WAPL: variants seen among roughly 807,000 people sequenced by gnomAD.
WAPL encodes the protein wings apart-like protein homolog.
WAPL carries 5 observed loss-of-function variants against 121.0 expected under a neutral mutation model. That is an observed-to-expected ratio of 0.04 (90% confidence interval 0.02 to 0.09). The LOEUF (loss-of-function observed/expected upper bound fraction) is 0.09, where lower values mean the gene tolerates loss of function less well. Among genes scored for constraint, WAPL ranks in the 10% least tolerant of loss-of-function variants. The pLI, the probability that WAPL is intolerant of heterozygous loss-of-function variation, is 1.00. For missense variants in WAPL, 999 were observed against 1,410.8 expected (o/e 0.71, Z 4.68); for synonymous variants, 480 against 481.5 (o/e 1.00, Z 0.04).
intron 14 of WAPL, 94 bp downstream of exon 14, chr10:86,453,126 T>C (rs1841038701): frequency 3.7e-6 from 3 of 803,888 alleles, no homozygotes; most frequent in Admixed American, 2.6e-5. Flanking sequence ...CCACAATATA[T>C]TAAAGGGTTG....
rs1349045834 is a variant in WAPL at position 86,477,787 on chromosome 10, A to G, written c.1645-3814T>C. ...TTGCACTCCAGCCTGGGCAACAGAA[A>G]AGCAGATACAGGCCGGGTGCAGTGG... On this transcript the variant is annotated intron_variant, in intron 4 of 18. Transcript: ENST00000298767. 4.6e-5 allele frequency among the ~76,000 whole-genome samples: 7 copies of G among 151,012 alleles called. No individual in the cohort carries two copies. In the South Asian group the frequency reaches 1.3e-3, roughly 27 times the overall value.
Position 86,521,353 on chromosome 10 carries a change from C to T in WAPL, c.-23+12G>A, listed in dbSNP as rs1842672592. On this transcript the variant is annotated intron_variant, in intron 1 of 18. Transcript: ENST00000298767. ...CCTCCCGGCCTAGGCGGCCGCCCGA[C>T]ACCTCACTTACCCTCGGAGCCTGGC... 4 of 273,012 alleles carry T rather than the reference C, an allele frequency of 1.5e-5. No individual in the cohort carries two copies. The highest frequency in any genetic ancestry group is 1.2e-4 in the South Asian group (4 of 33,376). The allele number at this position is 273,012 out of a possible 1,614,324, so 16.9% of individuals were successfully genotyped here.
At chr10:86,476,042 A>G (rs1841643920) in intron 4 of WAPL, among the ~76,000 whole-genome samples, 1 of 152,230 alleles carries the variant, frequency 6.6e-6, no homozygotes, top group African/African-American at 2.4e-5. Flanking sequence ...TAAAGAAATT[A>G]AAGAAGCAAA....
At chr10:86,507,782 T>C (rs560440585) in intron 2 of WAPL, among the ~76,000 whole-genome samples, 3 of 152,098 alleles carry the variant, frequency 2.0e-5, no homozygotes, top group South Asian at 4.1e-4. Flanking sequence ...ACTCCCATTC[T>C]TCATTTTTAT....
intron 4 of WAPL, among the ~76,000 whole-genome samples, chr10:86,494,158 A>T (rs1356769935): frequency 1.3e-5 from 2 of 152,214 alleles, no homozygotes; most frequent in African/African-American, 4.8e-5. Context: ...CAAAAAGTAA[A>T]ATGCCAGTTT....
At chr10:86,497,105 C>T (rs1842164191) in intron 4 of WAPL, 96 bp downstream of exon 4, 23 of 1,002,508 alleles carry the variant, frequency 2.3e-5, no homozygotes, top group Admixed American at 2.1e-4. Flanking sequence ...AAGACAGTTG[C>T]TATGATGTTT....
At chr10:86,446,548 A>C in intron 15 of WAPL, 99 bp from the exon 16 acceptor site, 2 of 1,255,958 alleles carry the variant, frequency 1.6e-6, no homozygotes, top group Non-Finnish European at 2.2e-6. Context: ...TCTATCACTA[A>C]CTCTAAGATG....
At chr10:86,494,620 T>G (rs1012905668) in intron 4 of WAPL, among the ~76,000 whole-genome samples, 1 of 152,234 alleles carries the variant, frequency 6.6e-6, no homozygotes, top group Non-Finnish European at 1.5e-5. Flanking sequence ...TTTTCGATAC[T>G]GTATAATGAA....
intron 17 of WAPL, among the ~76,000 whole-genome samples, chr10:86,441,159 T>C (rs1237578918): frequency 6.6e-6 from 1 of 152,204 alleles, no homozygotes; most frequent in Non-Finnish European, 1.5e-5. Flanking sequence ...TTTCAAAATC[T>C]GGCTTTACAA....
At chr10:86,438,461 C>A (rs1258008479) in intron 17 of WAPL, among the ~76,000 whole-genome samples, 1 of 152,156 alleles carries the variant, frequency 6.6e-6, no homozygotes, top group Non-Finnish European at 1.5e-5. Context: ...ATCATGTTGG[C>A]CAGGCTGGTC....
chr10:86,510,614 C>T (rs1392133632), intron 2 of WAPL, among the ~76,000 whole-genome samples: 1 of 151,966 alleles, frequency 6.6e-6, no homozygotes, highest in Non-Finnish European at 1.5e-5. Context: ...ATATACAAAC[C>T]TTGAGAATAA....
chr10:86,486,285 C>T (rs7900701), intron 4 of WAPL, among the ~76,000 whole-genome samples: 146,502 of 152,338 alleles, frequency 0.96, 70,589 homozygotes, highest in East Asian at 1. Context: ...TAAAGGAAGA[C>T]ACTGTGTGGA....
chr10:86,457,672 T>C (rs1473829647), intron 12 of WAPL, among the ~76,000 whole-genome samples: 1 of 151,430 alleles, frequency 6.6e-6, no homozygotes, highest in East Asian at 1.9e-4. Flanking sequence ...AAATAAAATA[T>C]ACAAATGCAA....
intron 12 of WAPL, among the ~76,000 whole-genome samples, chr10:86,455,185 T>G (rs1298675979): frequency 1.3e-5 from 2 of 151,954 alleles, no homozygotes; most frequent in Non-Finnish European, 2.9e-5. Flanking sequence ...GTCTGGGAGG[T>G]GTACCCAACA....
At chr10:86,442,959 C>T (rs192127333) in intron 17 of WAPL, among the ~76,000 whole-genome samples, 44 of 145,380 alleles carry the variant, frequency 3.0e-4, no homozygotes, top group Middle Eastern at 3.7e-3. Flanking sequence ...AGGAGAATGG[C>T]GGGAACCAGG....
intron 17 of WAPL, 52 bp from the exon 18 acceptor site, chr10:86,438,067 G>T: frequency 7.4e-7 from 1 of 1,351,712 alleles, no homozygotes; most frequent in South Asian, 1.2e-5. Flanking sequence ...ACATGAGATT[G>T]CACCTCGTAC....
chr10:86,491,286 C>T (rs1842042212), intron 4 of WAPL, among the ~76,000 whole-genome samples: 1 of 151,144 alleles, frequency 6.6e-6, no homozygotes, highest in Non-Finnish European at 1.5e-5. Context: ...ACCACAGGCG[C>T]CCGCCACCAC....
At chr10:86,520,733 C>A (rs1422708647) in intron 1 of WAPL, among the ~76,000 whole-genome samples, 1 of 126,280 alleles carries the variant, frequency 7.9e-6, no homozygotes, top group African/African-American at 3.0e-5. Flanking sequence ...AGCCCAAAAT[C>A]AGGTCGAATT....
chr10:86,451,537 T>G (rs982988056), intron 15 of WAPL, among the ~76,000 whole-genome samples: 1 of 151,922 alleles, frequency 6.6e-6, no homozygotes. Context: ...GGATTACAGG[T>G]GCATGCCACC....
Sources: allele counts gnomAD v4.1 joint callset (sites outside exome capture counted in the v4.1 genomes callset), GRCh38; gene constraint gnomAD v4.1.1; transcripts MANE v1.5; gene names NCBI Gene and HGNC (gene_info 2026-07-23, HGNC 2026-07-21).